ZNF627: variants seen among roughly 807,000 people sequenced by gnomAD.
The protein encoded by ZNF627 is zinc finger protein 627.
In ZNF627, 12 loss-of-function variants were observed where a neutral mutation model predicts 10.6. The ratio of observed to expected loss-of-function variants is 1.13; its 90% confidence interval spans 0.73 to 1.84. The LOEUF (loss-of-function observed/expected upper bound fraction) is 1.84, where lower values mean the gene tolerates loss of function less well. ZNF627 is among the 40% of genes most tolerant of loss of function. The pLI, the probability that ZNF627 is intolerant of heterozygous loss-of-function variation, is 0.00. For missense variants in ZNF627, 504 were observed against 568.4 expected, an observed-to-expected ratio of 0.89 and a Z score of 1.15; for synonymous variants, 176 against 187.1, an observed-to-expected ratio of 0.94 and a Z score of 0.48.
At chr19:11,600,590 ACT>A (rs1411965687) in intron 1 of ZNF627, among the ~76,000 whole-genome samples, 2 of 150,950 alleles carry the variant, frequency 1.3e-5, no homozygotes, top group African/African-American at 4.9e-5. Context: ...GAGAGAGAAA[ACT>A]CTCTTCTATC....
At position 11,617,518 on chromosome 19, in the gene ZNF627, G is replaced by C; in HGVS notation, c.1015G>C (p.Val339Leu). 6.2e-7 allele frequency: 1 copy of C among 1,613,224 alleles called. No individual in the cohort carries two copies. The highest frequency in any genetic ancestry group is 8.5e-7 in the Non-Finnish European group (1 of 1,179,814). The change falls in exon 4 of 4, where the codon GTG becomes CTG. Residue 339 changes from valine (V) to leucine (L), a missense_variant. By Grantham distance (32) the Val-to-Leu change is conservative. Coordinates refer to ENST00000361113, the MANE Select transcript of ZNF627 (RefSeq NM_145295.4). The stretch of plus-strand genomic sequence containing the variant: ...TGGCAATGGACCTTATAAATGTAAG[G>C]TGTGTGGGAAAGCCTTTGATTTCCC... Reference protein sequence around the residue: ...HTGNGPYKCKVCGKAFDFPSS... With the variant: ...HTGNGPYKCKLCGKAFDFPSS...
At chr19:11,604,858 A>G (rs924713235) in intron 1 of ZNF627, among the ~76,000 whole-genome samples, 7 of 152,200 alleles carry the variant, frequency 4.6e-5, no homozygotes, top group African/African-American at 1.7e-4. Context: ...GGTGAGGGAG[A>G]GAATGGAACT....
chr19:11,600,148 TTA>T (rs1279491555), intron 1 of ZNF627, among the ~76,000 whole-genome samples: 4 of 152,008 alleles, frequency 2.6e-5, no homozygotes, highest in African/African-American at 9.7e-5. Flanking sequence ...TTGTTAAAAA[TTA>T]TTACTTATGG....
chr19:11,605,985 G>A (rs187296992), intron 1 of ZNF627, among the ~76,000 whole-genome samples: 3 of 152,200 alleles, frequency 2.0e-5, no homozygotes, highest in Admixed American at 2.0e-4. Context: ...CAAAACAAAG[G>A]GGCTAGAGGC....
At chr19:11,605,567 G>A (rs1356962890) in intron 1 of ZNF627, among the ~76,000 whole-genome samples, 3 of 152,008 alleles carry the variant, frequency 2.0e-5, no homozygotes, top group Non-Finnish European at 4.4e-5. Context: ...GGGAAAGGTG[G>A]GGGAAGCCCA....
At position 11,617,670 on chromosome 19, in the gene ZNF627, A is replaced by G; in HGVS notation, c.1167A>G (p.Lys389=). 6.2e-7 allele frequency: 1 copy of G among 1,612,898 alleles called. No individual in the cohort carries two copies. The highest frequency in any genetic ancestry group is 8.5e-7 in the Non-Finnish European group (1 of 1,179,674). ...RKHERIHTGE[K]PYKCTKCGKA... ...ATGAAAGAATTCACACTGGAGAGAAACCCTATAAATGTACAAAATGTGGGA... is the reference window on the plus strand; with the variant it reads ...ATGAAAGAATTCACACTGGAGAGAAGCCCTATAAATGTACAAAATGTGGGA... Residue 389 remains lysine (K), a synonymous_variant, in exon 4 of 4, where the codon AAA becomes AAG. Coordinates refer to ENST00000361113, the MANE Select transcript of ZNF627 (RefSeq NM_145295.4).
intron 1 of ZNF627, among the ~76,000 whole-genome samples, chr19:11,611,037 G>C (rs975702957): frequency 4.6e-5 from 7 of 152,056 alleles, no homozygotes; most frequent in African/African-American, 7.2e-5. Context: ...ATTTTTAGTA[G>C]AGACGGGGTT....
chr19:11,612,385 G>T (rs1216608758), intron 1 of ZNF627, among the ~76,000 whole-genome samples: 3 of 147,488 alleles, frequency 2.0e-5, no homozygotes, highest in Admixed American at 1.4e-4. Flanking sequence ...CTCCCAAAGT[G>T]CTGGGATTAC....
At position 11,616,811 on chromosome 19, in the gene ZNF627, G is replaced by A; in HGVS notation, c.308G>A (p.Ser103Asn). Residue 103 changes from serine to asparagine, a missense_variant, in exon 4 of 4, where the codon AGC becomes AAC. By Grantham distance (46) the Ser-to-Asn change is conservative. Coordinates refer to ENST00000361113, the MANE Select transcript of ZNF627 (RefSeq NM_145295.4). ...KKTPGVKPCE[S>N]SVCGEVGMGP... ...ACTCCTGGAGTAAAACCGTGTGAAA[G>A]CAGTGTGTGTGGAGAAGTTGGCATG... 1 of 1,614,090 alleles carries A rather than the reference G, an allele frequency of 6.2e-7. No homozygotes were observed. The highest frequency in any genetic ancestry group is 1.1e-5 in the South Asian group (1 of 91,086).
At chr19:11,605,890 G>A (rs1172339039) in intron 1 of ZNF627, among the ~76,000 whole-genome samples, 1 of 152,092 alleles carries the variant, frequency 6.6e-6, no homozygotes, top group Non-Finnish European at 1.5e-5. Flanking sequence ...TTCTGCCTAT[G>A]AGCCTGTAAA....
chr19:11,605,514 T>A (rs1257744451), intron 1 of ZNF627, among the ~76,000 whole-genome samples: 1 of 152,064 alleles, frequency 6.6e-6, no homozygotes, highest in Non-Finnish European at 1.5e-5. Flanking sequence ...AACATGTCCT[T>A]CTTCACATGG....
intron 1 of ZNF627, among the ~76,000 whole-genome samples, chr19:11,610,999 T>C (rs1343568610): frequency 1.3e-5 from 2 of 152,062 alleles, no homozygotes; most frequent in Non-Finnish European, 2.9e-5. Flanking sequence ...ACTTCAAGCA[T>C]GTGCCACCAC....
Position 11,617,266 on chromosome 19 carries a change from C to A in ZNF627, c.763C>A (p.Gln255Lys). The change falls in exon 4 of 4, where the codon CAG (glutamine) becomes AAG (lysine). Residue 255 changes from glutamine (Q) to lysine (K), a missense_variant. By Grantham distance (53) the Gln-to-Lys change is moderately conservative (BLOSUM62 1). Coordinates refer to ENST00000361113, the MANE Select transcript of ZNF627 (RefSeq NM_145295.4). ...TGGAGATAAACCCTATGAATGCAAG[C>A]AGTGTGGGAAAGCTTTCAGTTGTTC... ...HTGDKPYECKQCGKAFSCSKY... is the reference protein window; with the variant it reads ...HTGDKPYECKKCGKAFSCSKY... 6.2e-7 allele frequency: 1 copy of A among 1,613,586 alleles called. No homozygotes were observed. Among genetic ancestry groups the A allele is most frequent in the Non-Finnish European group, 8.5e-7 (1 of 1,179,914 alleles).
rs906398306 is a variant in ZNF627 at position 11,618,183 on chromosome 19, C to T, written c.*294C>T. On this transcript the variant is annotated 3_prime_UTR_variant, in exon 4 of 4. Coordinates refer to ENST00000361113, the MANE Select transcript of ZNF627 (RefSeq NM_145295.4). ...CCAGTAACCTATCTTACATGAGATT[C>T]GGAAGTAAGTTAAGAAGGCATTAGT... 3.1e-5 allele frequency: 10 copies of T among 320,438 alleles called. No homozygotes were observed. The highest frequency in any genetic ancestry group is 1.3e-4 in the Admixed American group (3 of 22,692). 19.8% of individuals were successfully genotyped at this position (320,438 alleles called of 1,614,324 possible).
intron 1 of ZNF627, among the ~76,000 whole-genome samples, chr19:11,607,632 C>T (rs1359940839): frequency 6.6e-6 from 1 of 152,204 alleles, no homozygotes; most frequent in Non-Finnish European, 1.5e-5. Context: ...ACAAGAGTCA[C>T]CTTTGCTTCA....
At chr19:11,598,839 T>C (rs958698683) in intron 1 of ZNF627, among the ~76,000 whole-genome samples, 1 of 152,188 alleles carries the variant, frequency 6.6e-6, no homozygotes, top group Non-Finnish European at 1.5e-5. Flanking sequence ...AAAAAACCTT[T>C]GTGCCTCTTC....
In ZNF627 at chr19:11,618,958, TTTAC is replaced by T. The variant is rs1415577314; in HGVS notation, c.*1072_*1075del. 4 of 152,162 alleles carry T rather than the reference TTTAC, an allele frequency of 2.6e-5. No individual in the cohort carries two copies. Among genetic ancestry groups the T allele is most frequent in the Non-Finnish European group, 5.9e-5 (4 of 68,032 alleles). 9.4% of individuals were successfully genotyped at this position (152,162 alleles called of 1,614,324 possible). ...GGAATTTTTTCCTCCTCATGTAAAT[TTTAC>T]TTTTCATGCTTATATAGTTTCAACT... On this transcript the variant is annotated 3_prime_UTR_variant, in exon 4 of 4. Coordinates refer to ENST00000361113, the MANE Select transcript of ZNF627 (RefSeq NM_145295.4).
At chr19:11,597,813 G>T (rs1445309663) in intron 1 of ZNF627, among the ~76,000 whole-genome samples, 183 bp downstream of exon 1, 1 of 152,200 alleles carries the variant, frequency 6.6e-6, no homozygotes, top group Admixed American at 6.5e-5. Context: ...TCCCGTCCCT[G>T]CGCGACGCCT....
At chr19:11,598,964 CTGAGGCCAGGAGTT>C (rs1973539564) in intron 1 of ZNF627, among the ~76,000 whole-genome samples, 1 of 152,284 alleles carries the variant, frequency 6.6e-6, no homozygotes, top group Non-Finnish European at 1.5e-5. Flanking sequence ...GGAGGATCAC[CTGAGGCCAGGAGTT>C]TGAGACCAGC....
Sources: allele counts gnomAD v4.1 joint callset (sites outside exome capture counted in the v4.1 genomes callset), GRCh38; gene constraint gnomAD v4.1.1; transcripts MANE v1.5; gene names NCBI Gene and HGNC (gene_info 2026-07-23, HGNC 2026-07-21).